TERF1: variants seen among roughly 807,000 people sequenced by gnomAD.
TERF1 encodes telomeric repeat-binding factor 1.
Under a neutral mutation model 55.1 loss-of-function variants are expected in TERF1, and 20 were observed. The observed-to-expected ratio is 0.36, with a 90% CI of 0.26 to 0.53. TERF1 has a LOEUF of 0.53. Among genes scored for constraint, TERF1 ranks in the 20% least tolerant of loss-of-function variants. The probability of loss-of-function intolerance (pLI) is 0.91; values close to 1 mark genes in which losing one functional copy is unlikely to be tolerated. For synonymous variants in TERF1, 168 were observed against 181.2 expected (o/e 0.93, Z 0.59); for missense variants, 439 against 535.7 (o/e 0.82, Z 1.78).
chr8:73,017,545 C>T (rs755350899), intron 2 of TERF1, among the ~76,000 whole-genome samples: 29 of 152,216 alleles, frequency 1.9e-4, no homozygotes, highest in Middle Eastern at 3.4e-3. Context: ...ACTTAGTTAT[C>T]ATCTGTTTAT....
rs187673786 is a variant in TERF1 at position 73,024,348 on chromosome 8, C to T, written c.625-474C>T. ...AAATATAGCAAGTTTCAAAAGAATA[C>T]GCATCGTACAACACTATTTGTAGAG... On this transcript the variant is annotated intron_variant, in intron 4 of 9. Transcript: ENST00000276603. Among the ~76,000 whole-genome samples the T allele has an allele frequency of 6.6e-5, 10 of 152,226 alleles. No homozygotes were observed. In the South Asian group the frequency reaches 1.5e-3, roughly 22 times the overall value.
chr8:73,030,040 C>T (rs1000519872), intron 6 of TERF1: 5 of 227,358 alleles, frequency 2.2e-5, no homozygotes, highest in African/African-American at 4.5e-5. Flanking sequence ...GTTTTTAAAA[C>T]TTGAATTCAT....
intron 9 of TERF1, among the ~76,000 whole-genome samples, chr8:73,040,490 AATGCT>A (rs1490527407): frequency 6.6e-6 from 1 of 152,170 alleles, no homozygotes; most frequent in Non-Finnish European, 1.5e-5. Context: ...AGAAGAGGGA[AATGCT>A]AACCTTATGC....
At chr8:73,039,272 T>A in intron 9 of TERF1, 53 bp downstream of exon 9, 1 of 1,246,282 alleles carries the variant, frequency 8.0e-7, no homozygotes, top group African/African-American at 1.5e-5. Flanking sequence ...AAGTTATAAC[T>A]TGAATAATTG....
chr8:73,014,881 G>A (rs193195421), intron 2 of TERF1, among the ~76,000 whole-genome samples: 1 of 152,298 alleles, frequency 6.6e-6, no homozygotes, highest in Non-Finnish European at 1.5e-5. Context: ...CTAGATAGAG[G>A]CAGAATAGTT....
At chr8:73,014,588 G>T (rs1051271693) in intron 2 of TERF1, among the ~76,000 whole-genome samples, 14 of 152,174 alleles carry the variant, frequency 9.2e-5, no homozygotes, top group Non-Finnish European at 1.6e-4. Flanking sequence ...ATCAGTAATG[G>T]CTGGTATTTA....
At chr8:73,020,004 C>T (rs56383540) in intron 2 of TERF1, among the ~76,000 whole-genome samples, 2 of 152,208 alleles carry the variant, frequency 1.3e-5, no homozygotes, top group Middle Eastern at 3.4e-3. Flanking sequence ...TTAGCATGTG[C>T]GTATCATAAG....
chr8:73,029,470 A>C (rs1809182454), intron 6 of TERF1, among the ~76,000 whole-genome samples: 2 of 151,786 alleles, frequency 1.3e-5, no homozygotes, highest in Admixed American at 1.3e-4. Flanking sequence ...ACAAAAATTA[A>C]CCAGTCTTGG....
Position 73,037,120 on chromosome 8 carries a change from A to G in TERF1, c.1040-1996A>G, listed in dbSNP as rs1046755249. 2.8e-4 allele frequency among the ~76,000 whole-genome samples: 38 copies of G among 134,520 alleles called. No individual in the cohort carries two copies. In the East Asian group the frequency reaches 5.6e-3, roughly 20 times the overall value. The allele number at this position is 134,520 out of a possible 152,430, so 88.3% of individuals were successfully genotyped here. A position where few individuals can be genotyped will look rare whatever the true frequency, so the allele number is the denominator to read the frequency against. ...TCATATATTATATAAAACCCCATATATACTATATAATTAATAATTTATATA... is the reference window on the plus strand; with the variant it reads ...TCATATATTATATAAAACCCCATATGTACTATATAATTAATAATTTATATA... On this transcript the variant is annotated intron_variant, in intron 8 of 9. Transcript: ENST00000276603.
Position 73,046,037 on chromosome 8 carries a change from T to G in TERF1, c.1220T>G (p.Leu407Arg). 6.2e-7 allele frequency: 1 copy of G among 1,611,398 alleles called. No homozygotes were observed. Among genetic ancestry groups the G allele is most frequent in the South Asian group, 1.1e-5 (1 of 90,606 alleles). Residue 407 changes from leucine to arginine, a missense_variant, in exon 10 of 10, where the codon CTG becomes CGG. Physicochemically the swap from Leu to Arg is moderately radical, Grantham distance 102. Transcript: ENST00000276603. ...KYGEGNWSKILLHYKFNNRTS... is the reference protein window; with the variant it reads ...KYGEGNWSKIRLHYKFNNRTS... ...GGAGAGGGAAACTGGTCTAAAATAC[T>G]GTTGCATTATAAATTCAACAACCGG... is the stretch of plus-strand genomic sequence containing the variant.
intron 8 of TERF1, chr8:73,038,811 C>T (rs959353046): frequency 3.0e-5 from 25 of 823,078 alleles, no homozygotes; most frequent in Middle Eastern, 5.9e-4. Context: ...AAAATTTCAA[C>T]GATCCTATGC....
At chr8:73,025,803 T>C (rs925154222) in intron 5 of TERF1, among the ~76,000 whole-genome samples, 27 of 145,382 alleles carry the variant, frequency 1.9e-4, no homozygotes, top group African/African-American at 6.9e-4. Flanking sequence ...GGCATACACC[T>C]GTAGTCCCAG....
chr8:73,031,214 G>A (rs1809267411), intron 7 of TERF1: 1 of 152,176 alleles, frequency 6.6e-6, no homozygotes, highest in South Asian at 2.1e-4. Flanking sequence ...GGAAGATTAA[G>A]CCAATCTCTA....
chr8:73,009,274 A>T (rs1808171655), intron 1 of TERF1, 69 bp downstream of exon 1: 1 of 1,529,712 alleles, frequency 6.5e-7, no homozygotes, highest in African/African-American at 1.4e-5. Flanking sequence ...TGCGCGGCAG[A>T]GGGCTGGTTC....
rs1809708230 is a variant in TERF1, at chr8:73,038,733, CTA to C, written c.1040-381_1040-380del. 5.2e-6 allele frequency: 5 copies of C among 964,662 alleles called. No individual in the cohort carries two copies. The South Asian group carries it at 2.4e-4, about 46-fold the overall frequency. The allele number at this position is 964,662 out of a possible 1,614,324, so 59.8% of individuals were successfully genotyped here. A position where few individuals can be genotyped will look rare whatever the true frequency, so the allele number is the denominator to read the frequency against. On this transcript the variant is annotated intron_variant, in intron 8 of 9. Coordinates refer to ENST00000276603, the MANE Select transcript of TERF1 (RefSeq NM_017489.3). The stretch of plus-strand genomic sequence containing the variant: ...ACATATATTTGTCTTACCAAACTGA[CTA>C]TGAATAAGAAAGAAGGAGTGAGGAA...
intron 1 of TERF1, 31 bp downstream of exon 1, chr8:73,009,236 A>G (rs987048655): frequency 1.9e-6 from 3 of 1,584,412 alleles, no homozygotes; most frequent in Admixed American, 1.7e-5. Flanking sequence ...GGCCGGGACT[A>G]CGCGGGGGGC....
intron 7 of TERF1, 191 bp downstream of exon 7, chr8:73,030,586 G>T: frequency 2.4e-6 from 1 of 408,562 alleles, no homozygotes; most frequent in Non-Finnish European, 4.3e-6. Flanking sequence ...CTCTGAGACT[G>T]GGTTGTTTCA....
chr8:73,013,910 T>C lies in TERF1; in HGVS notation c.335T>C (p.Leu112Pro). ...TCTTTTTTAGCTATTATTCATGGACTATCCAGTCTAACAGCTTGCCAGTTG... is the reference window on the plus strand; with the variant it reads ...TCTTTTTTAGCTATTATTCATGGACCATCCAGTCTAACAGCTTGCCAGTTG... ...RNSAEAIIHG[L>P]SSLTACQLRT... is the part of the protein sequence containing the mutation. Residue 112 changes from leucine to proline, a missense_variant, in exon 2 of 10, where the codon CTA becomes CCA. Physicochemically the swap from Leu to Pro is moderately conservative, Grantham distance 98 (BLOSUM62 -3). Coordinates refer to ENST00000276603, the MANE Select transcript of TERF1 (RefSeq NM_017489.3). 2 of 1,608,542 alleles carry C rather than the reference T, an allele frequency of 1.2e-6. No homozygotes were observed. Among genetic ancestry groups the C allele is most frequent in the Non-Finnish European group, 1.7e-6 (2 of 1,177,842 alleles).
intron 5 of TERF1, among the ~76,000 whole-genome samples, chr8:73,026,208 A>G (rs1480056732): frequency 6.8e-6 from 1 of 147,326 alleles, no homozygotes; most frequent in Non-Finnish European, 1.5e-5. Context: ...AAAAAAAAAC[A>G]CATTTCTAGT....
Sources: allele counts gnomAD v4.1 joint callset (sites outside exome capture counted in the v4.1 genomes callset), GRCh38; gene constraint gnomAD v4.1.1; transcripts MANE v1.5; gene names NCBI Gene and HGNC (gene_info 2026-07-23, HGNC 2026-07-21).